Variants in DNAH14 observed in about 807,000 individuals in gnomAD.
The protein encoded by DNAH14 is dynein axonemal heavy chain 14, also known as axonemal beta dynein heavy chain 14.
A neutral mutation model predicts 520.9 loss-of-function variants in DNAH14; 478 were observed. The observed-to-expected ratio is 0.92, with a 90% CI of 0.85 to 0.99. The LOEUF is 0.99. Among genes scored for constraint, DNAH14 ranks in the 50% least tolerant of loss-of-function variants. The pLI is 0.00. For synonymous variants in DNAH14, 1,581 were observed against 1,757.2 expected, an observed-to-expected ratio of 0.90 and a Z score of 2.51; for missense variants, 4,831 against 5,234.5, an observed-to-expected ratio of 0.92 and a Z score of 2.38.
intron 17 of DNAH14, among the ~76,000 whole-genome samples, chr1:225,063,838 A>C (rs994768453): frequency 6.6e-6 from 1 of 151,984 alleles, no homozygotes; most frequent in Non-Finnish European, 1.5e-5. Flanking sequence ...TGCCCAAAAC[A>C]TGATAAAATT....
In DNAH14 at chr1:225,301,487, C is replaced by T. The variant is rs556601595; in HGVS notation, c.8631+457C>T. Among the ~76,000 whole-genome samples, 40 of 152,100 alleles carry T rather than the reference C, an allele frequency of 2.6e-4. 1 individual carries two copies. The highest frequency in any genetic ancestry group is 1.5e-3 in the East Asian group (8 of 5,172). On this transcript the variant is annotated intron_variant, in intron 56 of 85. Transcript: ENST00000682510. ...AAAAAAAGAAATTGACTGGATAGAGCGGGTGCTATTCAGAATGAACTCAGC... is the reference window on the plus strand; with the variant it reads ...AAAAAAAGAAATTGACTGGATAGAGTGGGTGCTATTCAGAATGAACTCAGC...
chr1:225,015,651 A>T (rs986253742), intron 10 of DNAH14, among the ~76,000 whole-genome samples: 2 of 152,258 alleles, frequency 1.3e-5, no homozygotes, highest in African/African-American at 4.8e-5. Flanking sequence ...CGTTTACCCC[A>T]TGTAAATGGC....
intron 84 of DNAH14, chr1:225,397,024 T>G (rs961982415): frequency 1.3e-5 from 2 of 151,990 alleles, no homozygotes; most frequent in Non-Finnish European, 2.9e-5. Context: ...TTTTTTTTTT[T>G]TGAGATGGAG....
At chr1:225,202,097 A>G (rs568478537) in intron 38 of DNAH14, among the ~76,000 whole-genome samples, 1 of 152,128 alleles carries the variant, frequency 6.6e-6, no homozygotes, top group South Asian at 2.1e-4. Flanking sequence ...GCTGATCTCA[A>G]ACTCCTGGCC....
intron 21 of DNAH14, among the ~76,000 whole-genome samples, chr1:225,090,417 C>T (rs1460681587): frequency 6.6e-6 from 1 of 152,022 alleles, no homozygotes; most frequent in Non-Finnish European, 1.5e-5. Flanking sequence ...TGTAAAAGTC[C>T]TAGAATAGTG....
intron 55 of DNAH14, among the ~76,000 whole-genome samples, chr1:225,294,261 C>A (rs114474752): frequency 1.3e-5 from 2 of 152,182 alleles, no homozygotes; most frequent in East Asian, 1.9e-4. Context: ...ATATCTGGAA[C>A]CATCCTTGCA....
chr1:225,380,616 T>C (rs74149908), intron 80 of DNAH14, among the ~76,000 whole-genome samples: 9,357 of 152,216 alleles, frequency 0.061, 456 homozygotes, highest in African/African-American at 0.14. Flanking sequence ...TCAAGAGTTC[T>C]AGGTGCCTGT....
intron 82 of DNAH14, 113 bp downstream of exon 82, chr1:225,388,604 T>TAA (rs1418016547): frequency 1.7e-6 from 1 of 603,156 alleles, no homozygotes; most frequent in Non-Finnish European, 2.8e-6. Context: ...ATGTGTGAAT[T>TAA]AAGCAAGGGA....
chr1:225,207,125 C>T lies in DNAH14; in HGVS notation c.6344C>T (p.Pro2115Leu). 6.4e-7 allele frequency: 1 copy of T among 1,551,084 alleles called. No homozygotes were observed. The highest frequency in any genetic ancestry group is 2.0e-5 in the Admixed American group (1 of 50,952). Residue 2115 changes from proline (P) to leucine (L), a missense_variant, in exon 41 of 86, where the codon CCA becomes CTA. Transcript: ENST00000682510. ...QFIRNRQKFQ[P>L]YPMEDITVVI... is the part of the protein sequence containing the mutation. ...ATAAGGAATCGTCAGAAATTTCAGCCATATCCTATGGAGGACATAACAGTC... is the reference window on the plus strand; with the variant it reads ...ATAAGGAATCGTCAGAAATTTCAGCTATATCCTATGGAGGACATAACAGTC...
rs76255091 is a variant in DNAH14 at position 225,119,724 on chromosome 1, C to G, written c.4166+430C>G. ...AACGTTCTCCTTTTCATATTTAAGT[C>G]TATCATTGCATCTGTTTAGAATGAA... On this transcript the variant is annotated intron_variant, in intron 26 of 85. Transcript: ENST00000682510. Among the ~76,000 whole-genome samples the G allele has an allele frequency of 7.2e-4, 109 of 152,258 alleles. 2 individuals are homozygous for G. The East Asian group carries it at 0.02, about 28-fold the overall frequency.
chr1:225,079,258 G>A lies in DNAH14; in HGVS notation c.2476G>A (p.Glu826Lys). The A allele has an allele frequency of 6.5e-7, 1 of 1,548,300 alleles. No homozygotes were observed. The highest frequency in any genetic ancestry group is 8.7e-7 in the Non-Finnish European group (1 of 1,146,372). Residue 826 changes from glutamate to lysine, a missense_variant, in exon 18 of 86, where the codon GAA becomes AAA. Physicochemically the swap from Glu to Lys is moderately conservative, Grantham distance 56. Coordinates refer to ENST00000682510, the MANE Select transcript of DNAH14 (RefSeq NM_001367479.1). ...GGAATGTGATCCCACTGAAATAGAA[G>A]AATTTCTGGAGCATTTTATTTTTTT... Reference protein sequence around the residue: ...QLECDPTEIEEFLEHFIFLNA... With the variant: ...QLECDPTEIEKFLEHFIFLNA...
At position 225,023,925 on chromosome 1, in the gene DNAH14, C is replaced by T. The variant is rs1572537271; in HGVS notation, c.1358+60C>T. 1.2e-5 allele frequency: 17 copies of T among 1,461,202 alleles called. No homozygotes were observed. The East Asian group carries it at 4.0e-4, about 34-fold the overall frequency. The allele number at this position is 1,461,202 out of a possible 1,614,324, so 90.5% of individuals were successfully genotyped here. On this transcript the variant is annotated intron_variant, in intron 11 of 85. Coordinates refer to ENST00000682510, the MANE Select transcript of DNAH14 (RefSeq NM_001367479.1). ...CAATTATAATATTTTAACATTGCCACATATGGAGGAAATATTCAATAATTT... is the reference window on the plus strand; with the variant it reads ...CAATTATAATATTTTAACATTGCCATATATGGAGGAAATATTCAATAATTT...
chr1:225,104,877 C>T (rs1282542195), intron 23 of DNAH14, among the ~76,000 whole-genome samples: 1 of 151,994 alleles, frequency 6.6e-6, no homozygotes, highest in African/African-American at 2.4e-5. Context: ...TTTTATGTCT[C>T]TATGTCCTTC....
At chr1:225,189,348 A>G (rs2085122275) in intron 37 of DNAH14, among the ~76,000 whole-genome samples, 2 of 150,774 alleles carry the variant, frequency 1.3e-5, no homozygotes, top group South Asian at 4.2e-4. Context: ...ATCTTTGGGT[A>G]TGCTATCAGA....
chr1:224,968,944 A>G, intron 7 of DNAH14, 70 bp downstream of exon 7: 1 of 1,074,160 alleles, frequency 9.3e-7, no homozygotes, highest in Non-Finnish European at 1.3e-6. Flanking sequence ...CCTGAGTGAC[A>G]TCTGGGTTCT....
chr1:225,226,955 A>G (rs976803137), intron 41 of DNAH14, among the ~76,000 whole-genome samples: 34 of 152,116 alleles, frequency 2.2e-4, no homozygotes, highest in African/African-American at 7.0e-4. Flanking sequence ...ACTTTACACA[A>G]ACATCTCAAT....
intron 41 of DNAH14, among the ~76,000 whole-genome samples, chr1:225,218,630 C>G (rs2149493999): frequency 6.6e-6 from 1 of 152,308 alleles, no homozygotes; most frequent in Admixed American, 6.5e-5. Context: ...AATATGTATG[C>G]ATCCAATACA....
chr1:225,331,329 G>C, intron 64 of DNAH14, 108 bp from the exon 65 acceptor site: 1 of 1,088,176 alleles, frequency 9.2e-7, no homozygotes, highest in Non-Finnish European at 1.3e-6. Context: ...GATTTTCCAG[G>C]ATGTGAAAAT....
intron 41 of DNAH14, among the ~76,000 whole-genome samples, chr1:225,229,225 C>T (rs1478864781): frequency 6.6e-6 from 1 of 152,174 alleles, no homozygotes; most frequent in Admixed American, 6.5e-5. Flanking sequence ...TGTCCACATA[C>T]TTCTTTCATC....
Sources: gnomAD v4.1 joint callset for allele counts (sites outside exome capture counted in the v4.1 genomes callset) on GRCh38, gnomAD v4.1.1 for gene constraint, MANE v1.5 for transcripts, NCBI Gene and HGNC (gene_info 2026-07-23, HGNC 2026-07-21) for gene names.